The following HIVEP2 variants were observed in gnomAD, a reference collection of about 807,000 sequenced individuals.
HIVEP2 encodes HIVEP zinc finger 2.
Under a neutral mutation model 180.7 loss-of-function variants are expected in HIVEP2, and 14 were observed. The ratio of observed to expected loss-of-function variants is 0.08; its 90% confidence interval spans 0.05 to 0.12. The LOEUF is 0.12. Ranked by LOEUF, HIVEP2 falls within the 10% of genes least tolerant of loss-of-function variation. HIVEP2 has a pLI of 1.00. For missense variants in HIVEP2, 2,579 were observed against 3,008.5 expected (o/e 0.86, Z 3.34); for synonymous variants, 1,184 against 1,136.4 (o/e 1.04, Z -0.84).
rs1330625100 is a variant in HIVEP2, at chr6:142,760,474, A to G, written c.5814T>C (p.Pro1938=). The change falls in exon 9 of 10, where the codon CCT becomes CCC. Residue 1938 remains proline, a synonymous_variant. Transcript: ENST00000367603. ...TPKTRSRSTS[P]QPPRFSSLPV... ...GCAAGGAGGAGAATCTAGGAGGCTG[A>G]GGACTGGTGCTTCTTGATCTTGTTT... is the stretch of plus-strand genomic sequence containing the variant. The G allele has an allele frequency of 6.2e-7, 1 of 1,614,182 alleles. No individual in the cohort carries two copies. Among genetic ancestry groups the G allele is most frequent in the East Asian group, 2.2e-5 (1 of 44,880 alleles).
chr6:142,751,791 G>A lies in HIVEP2; in HGVS notation c.*1316C>T, dbSNP rs1354511482. ...CCCATTCCCCCTGAGATAGCCAGGA[G>A]TGTGACACTCTTCCCCTATGAAAAA... On this transcript the variant is annotated 3_prime_UTR_variant, in exon 10 of 10. Transcript: ENST00000367603. The A allele has an allele frequency of 6.6e-5, 10 of 152,548 alleles. No homozygotes were observed. The East Asian group carries it at 1.9e-3, about 29-fold the overall frequency. The allele number at this position is 152,548 out of a possible 1,614,324, so 9.4% of individuals were successfully genotyped here.
At chr6:142,798,651 C>T (rs1019689203) in intron 2 of HIVEP2, among the ~76,000 whole-genome samples, 3 of 152,106 alleles carry the variant, frequency 2.0e-5, no homozygotes, top group Non-Finnish European at 4.4e-5. Flanking sequence ...CTCCTAACTG[C>T]TTAGGGACAA....
chr6:142,886,436 A>C (rs1399241436), intron 1 of HIVEP2, among the ~76,000 whole-genome samples: 1 of 152,184 alleles, frequency 6.6e-6, no homozygotes, highest in Non-Finnish European at 1.5e-5. Context: ...CGTTCACAGA[A>C]CTTTCATATC....
In HIVEP2 at chr6:142,753,331, T is replaced by TA. The variant is rs1484598060; in HGVS notation, c.7116dup (p.Ser2373Ter). ...CAGGGCTGACCTGGCTCAGGTCTACTAAAGTGTCTAATGCTAACATGTGCA... is the reference window on the plus strand; with the variant it reads ...CAGGGCTGACCTGGCTCAGGTCTACTAAAAGTGTCTAATGCTAACATGTGCA... On this transcript the variant is annotated frameshift_variant, in exon 10 of 10. Transcript: ENST00000367603. LOFTEE classifies it high-confidence loss of function. 1 of 1,614,076 alleles carries TA rather than the reference T, an allele frequency of 6.2e-7. No individual in the cohort carries two copies. The highest frequency in any genetic ancestry group is 8.5e-7 in the Non-Finnish European group (1 of 1,180,042).
chr6:142,799,573 A>G (rs1776357708), intron 2 of HIVEP2, among the ~76,000 whole-genome samples: 1 of 152,100 alleles, frequency 6.6e-6, no homozygotes, highest in Non-Finnish European at 1.5e-5. Flanking sequence ...AAAATTAGTA[A>G]ATTTCTGGTC....
intron 3 of HIVEP2, among the ~76,000 whole-genome samples, chr6:142,777,817 G>C (rs950390903): frequency 9.2e-5 from 14 of 151,988 alleles, no homozygotes; most frequent in Non-Finnish European, 4.4e-5. Flanking sequence ...TAAAACACTA[G>C]TTAATAATTT....
chr6:142,929,222 C>A (rs1777886246), intron 1 of HIVEP2, among the ~76,000 whole-genome samples: 1 of 152,186 alleles, frequency 6.6e-6, no homozygotes, highest in Non-Finnish European at 1.5e-5. Flanking sequence ...ACTGCCTAAG[C>A]TCAGTGAAGA....
intron 2 of HIVEP2, among the ~76,000 whole-genome samples, chr6:142,808,111 G>A (rs1257254922): frequency 6.6e-6 from 1 of 152,156 alleles, no homozygotes; most frequent in African/African-American, 2.4e-5. Context: ...AAGCTAGGCT[G>A]TAGAAAGATG....
intron 1 of HIVEP2, among the ~76,000 whole-genome samples, chr6:142,922,723 C>T (rs1294403870): frequency 6.6e-6 from 1 of 152,202 alleles, no homozygotes; most frequent in Non-Finnish European, 1.5e-5. Flanking sequence ...CCACTCTATA[C>T]TGACTGCCTC....
At chr6:142,756,247 A>G (rs1775065644) in intron 9 of HIVEP2, among the ~76,000 whole-genome samples, 1 of 152,170 alleles carries the variant, frequency 6.6e-6, no homozygotes, top group South Asian at 2.1e-4. Context: ...AGAGGGAGGT[A>G]GAAGAGCAAG....
chr6:142,802,718 C>A (rs1362380803), intron 2 of HIVEP2, among the ~76,000 whole-genome samples: 1 of 152,010 alleles, frequency 6.6e-6, no homozygotes, highest in Non-Finnish European at 1.5e-5. Flanking sequence ...GAATCACTCC[C>A]TAATAAGGGA....
intron 2 of HIVEP2, among the ~76,000 whole-genome samples, chr6:142,811,831 G>A (rs773117425): frequency 1.3e-5 from 2 of 152,162 alleles, no homozygotes; most frequent in Non-Finnish European, 1.5e-5. Flanking sequence ...AAATCCAAAA[G>A]AGGTTCTGAT....
At chr6:142,873,964 G>A (rs1026024473) in intron 1 of HIVEP2, among the ~76,000 whole-genome samples, 4 of 152,010 alleles carry the variant, frequency 2.6e-5, no homozygotes, top group East Asian at 3.9e-4. Context: ...GCATGACTTC[G>A]GTCTGAAATG....
chr6:142,938,235 C>T (rs1051901492), intron 1 of HIVEP2, among the ~76,000 whole-genome samples: 1 of 152,182 alleles, frequency 6.6e-6, no homozygotes, highest in African/African-American at 2.4e-5. Flanking sequence ...CTGCTATACC[C>T]TTCGCTTTTG....
chr6:142,805,716 C>T (rs1562242297), intron 2 of HIVEP2, among the ~76,000 whole-genome samples: 1 of 152,142 alleles, frequency 6.6e-6, no homozygotes, highest in Non-Finnish European at 1.5e-5. Context: ...CATATTTAAG[C>T]ATACAAGAGC....
chr6:142,793,812 G>A (rs558089738), intron 2 of HIVEP2, among the ~76,000 whole-genome samples: 1 of 151,602 alleles, frequency 6.6e-6, no homozygotes, highest in Admixed American at 6.6e-5. Flanking sequence ...GACTATAGGT[G>A]CCCACCACCA....
chr6:142,892,612 AATAG>A (rs780558104), intron 1 of HIVEP2, among the ~76,000 whole-genome samples: 6 of 152,244 alleles, frequency 3.9e-5, no homozygotes, highest in Non-Finnish European at 8.8e-5. Context: ...AAATGCTTAT[AATAG>A]ATAAACGAGA....
At position 142,774,479 on chromosome 6, in the gene HIVEP2, T is replaced by C. The variant is rs200446340; in HGVS notation, c.260A>G (p.His87Arg). ...TTGGCATGAGTAAGGACTCGGACGA[T>C]GCGGTGGATATTGCTTCTCTGCGAC... ...QQVAEKQYPP[H>R]RPSPYSCQHS... Residue 87 changes from histidine (H) to arginine (R), a missense_variant, in exon 5 of 10, where the codon CAT (histidine) becomes CGT (arginine). This residue lies in a region of HIVEP2 where 207 missense variants were observed against 210.1 expected (regional missense o/e 0.99). Transcript: ENST00000367603. This position sits in a 1 kb window ranked among gnomAD's most constrained non-coding sequence, Gnocchi z 5.1. 54 of 1,613,998 alleles carry C rather than the reference T, an allele frequency of 3.3e-5. No homozygotes were observed. The highest frequency in any genetic ancestry group is 1.6e-4 in the Middle Eastern group (1 of 6,082).
At chr6:142,789,668 C>T (rs1274266661) in intron 2 of HIVEP2, among the ~76,000 whole-genome samples, 1 of 152,192 alleles carries the variant, frequency 6.6e-6, no homozygotes, top group Non-Finnish European at 1.5e-5. Flanking sequence ...GGTCTTTAAA[C>T]TGTCAAGTCA....
Sources: allele counts gnomAD v4.1 joint callset (sites outside exome capture counted in the v4.1 genomes callset), GRCh38; gene constraint gnomAD v4.1.1; regional missense constraint gnomAD v4.1.1; non-coding constraint Gnocchi (gnomAD v3.1); transcripts MANE v1.5; gene names NCBI Gene and HGNC (gene_info 2026-07-23, HGNC 2026-07-21).